DPP6: variants seen among roughly 807,000 people sequenced by gnomAD.
DPP6 encodes A-type potassium channel modulatory protein DPP6.
A neutral mutation model predicts 122.6 loss-of-function variants in DPP6; 69 were observed. That is an observed-to-expected ratio of 0.56 (90% CI 0.46 to 0.69). The LOEUF (loss-of-function observed/expected upper bound fraction) is 0.69. Ranked by LOEUF, DPP6 falls within the 30% of genes least tolerant of loss-of-function variation. The pLI is 0.00. For missense variants in DPP6, 928 were observed against 1,116.9 expected (o/e 0.83, Z 2.41); for synonymous variants, 418 against 433.1 (o/e 0.97, Z 0.43).
intron 6 of DPP6, among the ~76,000 whole-genome samples, chr7:154,646,860 T>C (rs1002652210): frequency 2.0e-5 from 3 of 152,196 alleles, no homozygotes; most frequent in Admixed American, 6.5e-5. Flanking sequence ...AAGCTGAAGG[T>C]AGTCAGTGAC....
At chr7:154,378,141 G>A (rs902806521) in intron 1 of DPP6, among the ~76,000 whole-genome samples, 4 of 152,210 alleles carry the variant, frequency 2.6e-5, no homozygotes, top group Non-Finnish European at 4.4e-5. Context: ...CAGCACAATG[G>A]TGGGGCCACT....
chr7:154,795,506 G>C (rs1053857212), intron 11 of DPP6, among the ~76,000 whole-genome samples: 1 of 152,166 alleles, frequency 6.6e-6, no homozygotes, highest in Non-Finnish European at 1.5e-5. Context: ...CTATTAGATG[G>C]ACACATGCCC....
chr7:154,762,455 A>G (rs898666068), intron 8 of DPP6, among the ~76,000 whole-genome samples: 1 of 152,268 alleles, frequency 6.6e-6, no homozygotes, highest in African/African-American at 2.4e-5. Context: ...GGCAAGAAGT[A>G]TCCATGGAGG....
chr7:154,339,107 C>T (rs2151056119), intron 1 of DPP6, among the ~76,000 whole-genome samples: 1 of 152,304 alleles, frequency 6.6e-6, no homozygotes, highest in Non-Finnish European at 1.5e-5. Context: ...TTGTGTGGGG[C>T]CGGTCCTTGG....
intron 7 of DPP6, among the ~76,000 whole-genome samples, chr7:154,720,542 G>A (rs1841745253): frequency 6.6e-6 from 1 of 152,220 alleles, no homozygotes; most frequent in African/African-American, 2.4e-5. Flanking sequence ...GAGAGCACAT[G>A]CCCCGCTCCA....
At chr7:154,802,549 A>T (rs1017834220) in intron 13 of DPP6, among the ~76,000 whole-genome samples, 7 of 152,158 alleles carry the variant, frequency 4.6e-5, no homozygotes, top group Admixed American at 2.0e-4. Flanking sequence ...ATTATTTTAC[A>T]TCACTTATAT....
intron 1 of DPP6, among the ~76,000 whole-genome samples, chr7:154,217,102 A>C (rs1800050022): frequency 6.6e-6 from 1 of 151,974 alleles, no homozygotes; most frequent in South Asian, 2.1e-4. Flanking sequence ...TTTTTTTTAA[A>C]GAACTCTCAA....
At chr7:154,231,348 C>A (rs767133551) in intron 1 of DPP6, among the ~76,000 whole-genome samples, 22 of 152,248 alleles carry the variant, frequency 1.4e-4, no homozygotes, top group Non-Finnish European at 2.2e-4. Flanking sequence ...CTTACAGGCA[C>A]GCTGAGCATC....
chr7:154,216,902 A>G (rs1165364924), intron 1 of DPP6, among the ~76,000 whole-genome samples: 1 of 138,008 alleles, frequency 7.2e-6, no homozygotes, highest in Non-Finnish European at 1.6e-5. Flanking sequence ...TCTGATGTAG[A>G]GATTTAACTG....
At chr7:154,145,373 C>T (rs1796038149) in intron 1 of DPP6, among the ~76,000 whole-genome samples, 1 of 152,186 alleles carries the variant, frequency 6.6e-6, no homozygotes, top group African/African-American at 2.4e-5. Flanking sequence ...CCTACCACCA[C>T]AGGGCCCTGA....
chr7:154,815,112 T>G (rs1799334629), intron 16 of DPP6, among the ~76,000 whole-genome samples: 1 of 152,210 alleles, frequency 6.6e-6, no homozygotes, highest in Non-Finnish European at 1.5e-5. Context: ...CTCAGCTTGT[T>G]CTTCTCAGGA....
intron 1 of DPP6, among the ~76,000 whole-genome samples, chr7:154,358,628 T>A (rs1053548364): frequency 4.6e-5 from 7 of 152,200 alleles, no homozygotes; most frequent in African/African-American, 1.7e-4. Flanking sequence ...TTCCTTGCCT[T>A]CACATAAGGT....
chr7:154,258,135 C>CGAGGG (rs1802773858), intron 1 of DPP6, among the ~76,000 whole-genome samples: 1 of 71,288 alleles, frequency 1.4e-5, no homozygotes, highest in African/African-American at 5.6e-5. Context: ...TGAGGCGAGG[C>CGAGGG]GAGGGGAGGG....
chr7:154,164,229 T>A (rs1004518655), intron 1 of DPP6, among the ~76,000 whole-genome samples: 1 of 44,980 alleles, frequency 2.2e-5, no homozygotes, highest in Non-Finnish European at 4.6e-5. Flanking sequence ...TCCCCTTCCC[T>A]CCCCTCCCCT....
intron 5 of DPP6, 59 bp from the exon 6 acceptor site, chr7:154,637,762 A>C: frequency 1.3e-6 from 2 of 1,511,448 alleles, no homozygotes; most frequent in Non-Finnish European, 1.8e-6. Flanking sequence ...GATTTGAAAA[A>C]TATCATCGTA....
chr7:154,471,840 A>G (rs1021749098), intron 2 of DPP6, among the ~76,000 whole-genome samples: 2 of 152,194 alleles, frequency 1.3e-5, no homozygotes, highest in East Asian at 3.8e-4. Context: ...GCATGAAACT[A>G]TAAAATATGA....
At chr7:154,607,622 A>G (rs148617110) in intron 5 of DPP6, among the ~76,000 whole-genome samples, 1,246 of 112,572 alleles carry the variant, frequency 0.011, 358 homozygotes, top group Non-Finnish European at 0.018. Context: ...GATGGGTACT[A>G]TAGAGTGAAT....
At chr7:154,288,689 G>A (rs941609148) in intron 1 of DPP6, among the ~76,000 whole-genome samples, 1 of 152,190 alleles carries the variant, frequency 6.6e-6, no homozygotes, top group African/African-American at 2.4e-5. Context: ...CTCCTTGCAA[G>A]GTTCTGTGTC....
chr7:153,800,667 C>A, the DPP6 span, among the ~76,000 whole-genome samples: 1 of 152,060 alleles, frequency 6.6e-6, no homozygotes, highest in African/African-American at 2.4e-5. Context: ...CAGGCATGCA[C>A]CACCGTGCCA....
Sources: gnomAD v4.1 joint callset for allele counts (sites outside exome capture counted in the v4.1 genomes callset) on GRCh38, gnomAD v4.1.1 for gene constraint, MANE v1.5 for transcripts, NCBI Gene and HGNC (gene_info 2026-07-23, HGNC 2026-07-21) for gene names.